The following COL6A6 variants were observed in gnomAD, a reference collection of about 807,000 sequenced individuals.
The protein encoded by COL6A6 is collagen alpha-6(VI) chain.
A neutral mutation model predicts 208.6 loss-of-function variants in COL6A6; 183 were observed. The ratio of observed to expected loss-of-function variants is 0.88; its 90% confidence interval spans 0.78 to 0.99. The LOEUF is 0.99. Among genes scored for constraint, COL6A6 ranks in the 50% least tolerant of loss-of-function variants. The pLI, the probability that COL6A6 is intolerant of heterozygous loss-of-function variation, is 0.00. For missense variants in COL6A6, 2,816 were observed against 2,815.2 expected (o/e 1.00, Z -0.01); for synonymous variants, 973 against 1,011.8 (o/e 0.96, Z 0.73).
chr3:130,641,636 T>A lies in COL6A6; in HGVS notation c.5092-16T>A. 6.7e-7 allele frequency: 1 copy of A among 1,483,268 alleles called. No individual in the cohort carries two copies. 91.9% of individuals were successfully genotyped at this position (1,483,268 alleles called of 1,614,324 possible). ...TATATGTATAAATACAATTTTAAAATAAATTCTCCTTTGAGATATCTGCTG... is the reference window on the plus strand; with the variant it reads ...TATATGTATAAATACAATTTTAAAAAAAATTCTCCTTTGAGATATCTGCTG... On this transcript the variant is annotated splice_polypyrimidine_tract_variant and intron_variant, in intron 28 of 36. Transcript: ENST00000358511.
chr3:130,661,899 T>C lies in COL6A6; in HGVS notation c.6093T>C (p.Ala2031=), dbSNP rs767162771. The part of the protein sequence containing the change: ...LPNTQKSPVR[A]EFNLTTYRSK... Reference sequence around the variant, plus strand: ...ACACTCAGAAGAGTCCAGTTAGAGCTGAGTTCAATCTTACCACCTACAGAA... The same window carrying C: ...ACACTCAGAAGAGTCCAGTTAGAGCCGAGTTCAATCTTACCACCTACAGAA... The change falls in exon 35 of 37, where the codon GCT becomes GCC. Residue 2031 remains alanine, a synonymous_variant. Coordinates refer to ENST00000358511, the MANE Select transcript of COL6A6 (RefSeq NM_001102608.3). 1.2e-6 allele frequency: 2 copies of C among 1,614,002 alleles called. No individual in the cohort carries two copies. The highest frequency in any genetic ancestry group is 4.5e-5 in the East Asian group (2 of 44,884).
intron 33 of COL6A6, among the ~76,000 whole-genome samples, chr3:130,657,943 T>C (rs1410497908): frequency 1.3e-5 from 2 of 152,180 alleles, no homozygotes; most frequent in South Asian, 2.1e-4. Flanking sequence ...CTGGGTCAAT[T>C]AGTGAAGCTC....
chr3:130,573,646 A>G (rs1239499073), intron 7 of COL6A6, among the ~76,000 whole-genome samples: 1 of 150,232 alleles, frequency 6.7e-6, no homozygotes, highest in Non-Finnish European at 1.5e-5. Context: ...GGCTCACTAC[A>G]AGCTCCGCCT....
At chr3:130,634,082 G>T (rs2065025428) in intron 26 of COL6A6, among the ~76,000 whole-genome samples, 1 of 97,444 alleles carries the variant, frequency 1.0e-5, no homozygotes, top group Non-Finnish European at 1.7e-5. Flanking sequence ...AAAAATGCCA[G>T]TTACATTCTA....
At chr3:130,627,422 G>T (rs1265555931) in intron 26 of COL6A6, 53 bp downstream of exon 26, 8 of 1,540,592 alleles carry the variant, frequency 5.2e-6, no homozygotes, top group Non-Finnish European at 7.2e-6. Context: ...TTTGTTGCTG[G>T]TTTTGTTTGC....
At chr3:130,592,241 A>C (rs2063734630) in intron 13 of COL6A6, among the ~76,000 whole-genome samples, 1 of 152,172 alleles carries the variant, frequency 6.6e-6, no homozygotes, top group African/African-American at 2.4e-5. Context: ...ACAGGTCCTA[A>C]TTTGTGCTTA....
rs773905980 is a variant in COL6A6, at chr3:130,676,538, C to G, written c.*1141C>G. 1 of 152,200 alleles carries G rather than the reference C, an allele frequency of 6.6e-6. No homozygotes were observed. The highest frequency in any genetic ancestry group is 1.5e-5 in the Non-Finnish European group (1 of 68,046). 9.4% of individuals were successfully genotyped at this position (152,200 alleles called of 1,614,324 possible). ...CTGGCTCCACAGTTGGTAGCAATGG[C>G]CCTGTTAGGCAGACTGTCCCCCTCT... On this transcript the variant is annotated 3_prime_UTR_variant, in exon 37 of 37. Transcript: ENST00000358511.
chr3:130,624,125 GGAA>G (rs914853561), intron 24 of COL6A6, among the ~76,000 whole-genome samples: 2 of 152,092 alleles, frequency 1.3e-5, no homozygotes, highest in African/African-American at 4.8e-5. Flanking sequence ...GCCTTTAAGG[GGAA>G]GAAGAAGACA....
intron 19 of COL6A6, 141 bp downstream of exon 19, chr3:130,598,571 T>C: frequency 1.6e-6 from 1 of 634,484 alleles, no homozygotes; most frequent in Non-Finnish European, 2.8e-6. Flanking sequence ...AGGAGCAAAA[T>C]GATCTTTTCT....
chr3:130,604,494 CAAAA>C (rs559789872), intron 20 of COL6A6, among the ~76,000 whole-genome samples: 3 of 83,964 alleles, frequency 3.6e-5, no homozygotes, highest in South Asian at 4.2e-4. Context: ...GACTCCGTCT[CAAAA>C]AAAAAAAAAA....
intron 18 of COL6A6, 34 bp from the exon 19 acceptor site, chr3:130,598,331 T>A: frequency 7.2e-7 from 1 of 1,388,722 alleles, no homozygotes; most frequent in Non-Finnish European, 1.0e-6. Context: ...AATGTCCAAA[T>A]ATATTAATTT....
intron 11 of COL6A6, 34 bp downstream of exon 11, chr3:130,586,694 T>C: frequency 1.3e-6 from 2 of 1,583,642 alleles, no homozygotes; most frequent in Non-Finnish European, 1.7e-6. Context: ...TGAGCTTAAA[T>C]TTTCAATTAT....
In COL6A6 at chr3:130,560,239, A is replaced by G. The variant is rs115409996; in HGVS notation, c.-31-95A>G. 187 of 685,404 alleles carry G rather than the reference A, an allele frequency of 2.7e-4. No homozygotes were observed. In the African/African-American group the frequency reaches 3.0e-3, roughly 11 times the overall value. The allele number at this position is 685,404 out of a possible 1,614,324, so 42.5% of individuals were successfully genotyped here. ...TCAGAAATTCCTTGTCCCCTGTTAC[A>G]CCCAATTTATTATATAATTTTGTAT... On this transcript the variant is annotated intron_variant, in intron 1 of 36. Transcript: ENST00000358511.
intron 1 of COL6A6, among the ~76,000 whole-genome samples, chr3:130,544,665 G>T (rs528070507): frequency 6.6e-6 from 1 of 152,124 alleles, no homozygotes; most frequent in African/African-American, 2.4e-5. Flanking sequence ...CAGTGTATGA[G>T]GGTTCCCTTT....
chr3:130,614,591 C>G (rs2064458310), intron 23 of COL6A6, among the ~76,000 whole-genome samples: 1 of 152,120 alleles, frequency 6.6e-6, no homozygotes, highest in Non-Finnish European at 1.5e-5. Flanking sequence ...ATGATATCAG[C>G]TCTTCTTTAT....
chr3:130,584,500 G>A (rs1461540217), intron 10 of COL6A6, among the ~76,000 whole-genome samples: 4 of 152,154 alleles, frequency 2.6e-5, no homozygotes. Flanking sequence ...TTGGGAACAA[G>A]ATGGGAACTT....
intron 1 of COL6A6, among the ~76,000 whole-genome samples, chr3:130,546,876 G>C (rs1301229345): frequency 6.6e-6 from 1 of 150,524 alleles, no homozygotes; most frequent in Non-Finnish European, 1.5e-5. Flanking sequence ...GCTAGACACA[G>C]AGCACTGATT....
In COL6A6 at chr3:130,626,540, G is replaced by A; in HGVS notation, c.4934G>A (p.Gly1645Asp). The A allele has an allele frequency of 3.1e-6, 5 of 1,612,276 alleles. No individual in the cohort carries two copies. The highest frequency in any genetic ancestry group is 4.2e-6 in the Non-Finnish European group (5 of 1,178,346). Residue 1645 changes from glycine (G) to aspartate (D), a missense_variant, in exon 25 of 37, where the codon GGC becomes GAC. By Grantham distance (94) the Gly-to-Asp change is moderately conservative. Coordinates refer to ENST00000358511, the MANE Select transcript of COL6A6 (RefSeq NM_001102608.3). ...KGAVGFPGPR[G>D]LQGNDGSPGY... ...GCTGTTGGCTTTCCTGGTCCTCGTG[G>A]CTTGCAGGTTTGTATTTTGACACTA...
At position 130,626,536 on chromosome 3, in the gene COL6A6, C is replaced by T. The variant is rs1333186180; in HGVS notation, c.4930C>T (p.Arg1644Cys). The T allele has an allele frequency of 4.3e-6, 7 of 1,612,396 alleles. No individual in the cohort carries two copies. The highest frequency in any genetic ancestry group is 2.2e-5 in the East Asian group (1 of 44,864). ...AGGAGCTGTTGGCTTTCCTGGTCCTCGTGGCTTGCAGGTTTGTATTTTGAC... is the reference window on the plus strand; with the variant it reads ...AGGAGCTGTTGGCTTTCCTGGTCCTTGTGGCTTGCAGGTTTGTATTTTGAC... ...EKGAVGFPGP[R>C]GLQGNDGSPG... Residue 1644 changes from arginine (R) to cysteine (C), a missense_variant, in exon 25 of 37, where the codon CGT becomes TGT. Arg to Cys is a radical substitution (Grantham distance 180, BLOSUM62 -3). Coordinates refer to ENST00000358511, the MANE Select transcript of COL6A6 (RefSeq NM_001102608.3).
Sources: gnomAD v4.1 joint callset for allele counts (sites outside exome capture counted in the v4.1 genomes callset) on GRCh38, gnomAD v4.1.1 for gene constraint, MANE v1.5 for transcripts, NCBI Gene and HGNC (gene_info 2026-07-23, HGNC 2026-07-21) for gene names.